Variants in KIAA1671 observed in about 807,000 individuals in gnomAD.
The protein encoded by KIAA1671 is uncharacterized protein KIAA1671.
KIAA1671 carries 52 observed loss-of-function variants against 131.2 expected under a neutral mutation model. That is an observed-to-expected ratio of 0.40 (90% CI 0.32 to 0.50). The LOEUF (loss-of-function observed/expected upper bound fraction) is 0.50. Among genes scored for constraint, KIAA1671 ranks in the 20% least tolerant of loss-of-function variants. KIAA1671 has a pLI of 0.73. For missense variants in KIAA1671, 2,360 were observed against 2,364.2 expected, an observed-to-expected ratio of 1.00 and a Z score of 0.04; for synonymous variants, 1,003 against 961.6, an observed-to-expected ratio of 1.04 and a Z score of -0.80.
chr22:25,116,493 C>T (rs562407295), intron 6 of KIAA1671, among the ~76,000 whole-genome samples: 3 of 152,150 alleles, frequency 2.0e-5, no homozygotes, highest in Non-Finnish European at 2.9e-5. Context: ...GCAGTCTTGG[C>T]TCACTGCAAC....
intron 1 of KIAA1671, among the ~76,000 whole-genome samples, chr22:24,981,093 T>G (rs972522080): frequency 3.5e-4 from 53 of 151,900 alleles, no homozygotes; most frequent in Non-Finnish European, 7.2e-4. Flanking sequence ...TGTGTGTTTT[T>G]ACTGTATCTA....
At chr22:25,164,436 C>T (rs1003446082) in intron 6 of KIAA1671, among the ~76,000 whole-genome samples, 6 of 152,328 alleles carry the variant, frequency 3.9e-5, no homozygotes, top group African/African-American at 9.6e-5. Context: ...ATTTGACATA[C>T]GACCAAACCA....
At chr22:25,118,081 T>C (rs1368635651) in intron 6 of KIAA1671, among the ~76,000 whole-genome samples, 1 of 143,964 alleles carries the variant, frequency 6.9e-6, no homozygotes, top group East Asian at 2.0e-4. Flanking sequence ...GAGGTTGCAG[T>C]GAGTCGAGAT....
chr22:25,135,547 TCA>T (rs1932640330), intron 6 of KIAA1671, among the ~76,000 whole-genome samples: 4 of 152,300 alleles, frequency 2.6e-5, no homozygotes, highest in African/African-American at 9.6e-5. Flanking sequence ...CCCTCTGTGT[TCA>T]CAGTTTTGAA....
At chr22:25,034,772 C>T (rs1926497412) in intron 4 of KIAA1671, among the ~76,000 whole-genome samples, 2 of 151,956 alleles carry the variant, frequency 1.3e-5, no homozygotes, top group South Asian at 4.1e-4. Flanking sequence ...GAGTCTCGCT[C>T]TGTTGCCCAG....
chr22:25,181,761 A>G lies in KIAA1671; in HGVS notation c.5137A>G (p.Thr1713Ala). ...EEETASKAER[T>A]PVSHPQRMPA... ...GGAGACGGCATCCAAAGCTGAGAGG[A>G]CCCCTGTCAGCCATCCTCAGAGGAT... Residue 1713 changes from threonine (T) to alanine (A), a missense_variant, in exon 10 of 13, where the codon ACC becomes GCC. Coordinates refer to ENST00000358431, the MANE Select transcript of KIAA1671 (RefSeq NM_001145206.2). 6.4e-7 allele frequency: 1 copy of G among 1,551,268 alleles called. No homozygotes were observed. The highest frequency in any genetic ancestry group is 1.2e-5 in the South Asian group (1 of 84,020).
chr22:25,027,062 G>A (rs1016522221), intron 2 of KIAA1671, among the ~76,000 whole-genome samples: 2 of 152,114 alleles, frequency 1.3e-5, no homozygotes, highest in African/African-American at 4.8e-5. Flanking sequence ...GGCATAGCTC[G>A]AGATCTCACT....
rs528672292 is a variant in KIAA1671 at position 24,955,700 on chromosome 22, G to A, written c.-208+2928G>A. Reference sequence around the variant, plus strand: ...GGATGATCGGAGGGTCATGCCAGGAGGCTGGGGGCCAGTAAGCAGGCTGCT... The same window carrying A: ...GGATGATCGGAGGGTCATGCCAGGAAGCTGGGGGCCAGTAAGCAGGCTGCT... On this transcript the variant is annotated intron_variant, in intron 1 of 12. Coordinates refer to ENST00000358431, the MANE Select transcript of KIAA1671 (RefSeq NM_001145206.2). 1.4e-4 allele frequency among the ~76,000 whole-genome samples: 21 copies of A among 152,262 alleles called. No homozygotes were observed. In the East Asian group the frequency reaches 3.7e-3, roughly 27 times the overall value.
intron 3 of KIAA1671, among the ~76,000 whole-genome samples, chr22:25,030,308 G>A (rs1373910363): frequency 2.6e-5 from 4 of 152,164 alleles, no homozygotes; most frequent in Admixed American, 6.5e-5. Flanking sequence ...AGGCCGAGGC[G>A]GGTGGATCAC....
At position 25,028,412 on chromosome 22, in the gene KIAA1671, G is replaced by A. The variant is rs1389356880; in HGVS notation, c.413G>A (p.Arg138Gln). 5 of 1,550,890 alleles carry A rather than the reference G, an allele frequency of 3.2e-6. No individual in the cohort carries two copies. Among genetic ancestry groups the A allele is most frequent in the South Asian group, 1.2e-5 (1 of 83,992 alleles). The change falls in exon 3 of 13, where the codon CGG becomes CAG. Residue 138 changes from arginine (R) to glutamine (Q), a missense_variant. By Grantham distance (43) the Arg-to-Gln change is conservative. Coordinates refer to ENST00000358431, the MANE Select transcript of KIAA1671 (RefSeq NM_001145206.2). ...SPLFNKAVFL[R>Q]PSSSTMILFE... ...CTCTTCAACAAGGCTGTGTTCCTGC[G>A]GCCCAGCTCCAGCACCATGATTCTC... is the stretch of plus-strand genomic sequence containing the variant.
At chr22:25,036,580 G>T (rs1422126974) in intron 4 of KIAA1671, among the ~76,000 whole-genome samples, 1 of 152,102 alleles carries the variant, frequency 6.6e-6, no homozygotes, top group Non-Finnish European at 1.5e-5. Flanking sequence ...GGTAATAGCT[G>T]TTATCCAAGA....
intron 11 of KIAA1671, among the ~76,000 whole-genome samples, chr22:25,189,702 A>G (rs1173564920): frequency 6.6e-6 from 1 of 152,224 alleles, no homozygotes; most frequent in Non-Finnish European, 1.5e-5. Context: ...GGATAGAGAG[A>G]TGGAAGGATG....
intron 6 of KIAA1671, among the ~76,000 whole-genome samples, chr22:25,093,746 C>CTGTCTCTCTCTCTT (rs55791503): frequency 8.2e-6 from 1 of 121,344 alleles, no homozygotes; most frequent in African/African-American, 3.5e-5. Context: ...CACTCTCTCT[C>CTGTCTCTCTCTCTT]TCTCTCTCTC....
intron 6 of KIAA1671, among the ~76,000 whole-genome samples, chr22:25,156,540 C>T (rs111065542): frequency 0.082 from 12,346 of 150,876 alleles, 1,618 homozygotes; most frequent in African/African-American, 0.28. Flanking sequence ...TGTGTACATC[C>T]GTATGTGTTT....
At chr22:25,030,775 C>G (rs116694435) in intron 3 of KIAA1671, among the ~76,000 whole-genome samples, 2 of 152,198 alleles carry the variant, frequency 1.3e-5, no homozygotes, top group Non-Finnish European at 2.9e-5. Flanking sequence ...AGATGCCACT[C>G]GGCATGATCG....
At chr22:25,105,172 C>T (rs1173419389) in intron 6 of KIAA1671, among the ~76,000 whole-genome samples, 2 of 152,152 alleles carry the variant, frequency 1.3e-5, no homozygotes, top group Non-Finnish European at 2.9e-5. Flanking sequence ...CAGGTGCCCA[C>T]CACCACTCCC....
intron 6 of KIAA1671, among the ~76,000 whole-genome samples, chr22:25,120,629 G>A (rs774697895): frequency 1.5e-4 from 23 of 152,192 alleles, no homozygotes; most frequent in Non-Finnish European, 2.6e-4. Flanking sequence ...ATAGAAAAAT[G>A]TAAAGAAAAC....
In KIAA1671 at chr22:25,074,514, A is replaced by AAAAAAAAAG. The variant is rs59411918; in HGVS notation, c.4530+25153_4530+25154insAAAAAGAAA. ...TGTGTCTCAAAAAAAAAAAAAAAAA[A>AAAAAAAAAG]AAAGAAAGAAAGAAATTGAGGCATA... On this transcript the variant is annotated intron_variant, in intron 6 of 12. Transcript: ENST00000358431. 5.9e-3 allele frequency among the ~76,000 whole-genome samples: 690 copies of AAAAAAAAAG among 117,220 alleles called. 3 individuals carry two copies. Among genetic ancestry groups the AAAAAAAAAG allele is most frequent in the African/African-American group, 7.1e-3 (193 of 27,222 alleles). The allele number at this position is 117,220 out of a possible 152,430, so 76.9% of individuals were successfully genotyped here.
Position 25,184,329 on chromosome 22 carries a change from A to G in KIAA1671, c.5200-648A>G, listed in dbSNP as rs116134513. Among the ~76,000 whole-genome samples, 747 of 152,316 alleles carry G rather than the reference A, an allele frequency of 4.9e-3. 15 individuals are homozygous for G. The highest frequency in any genetic ancestry group is 0.017 in the African/African-American group (710 of 41,560). ...CACATGGAACGAACTCACATTTGTC[A>G]TATTTCTTGAGCCTGGTAGAGCAAA... On this transcript the variant is annotated intron_variant, in intron 10 of 12. Transcript: ENST00000358431.
Sources: gnomAD v4.1 joint callset for allele counts (sites outside exome capture counted in the v4.1 genomes callset) on GRCh38, gnomAD v4.1.1 for gene constraint, MANE v1.5 for transcripts, NCBI Gene and HGNC (gene_info 2026-07-23, HGNC 2026-07-21) for gene names.